The following INTS8 variants were observed in gnomAD, a reference collection of about 807,000 sequenced individuals.
INTS8 encodes the protein protein kaonashi-1.
Under a neutral mutation model 138.9 loss-of-function variants are expected in INTS8, and 47 were observed. That is an observed-to-expected ratio of 0.34 (90% CI 0.27 to 0.43). The LOEUF (loss-of-function observed/expected upper bound fraction) is 0.43, where lower values mean the gene tolerates loss of function less well. Among genes scored for constraint, INTS8 ranks in the 20% least tolerant of loss-of-function variants. The pLI is 1.00. For missense variants in INTS8, 996 were observed against 1,173.0 expected, an observed-to-expected ratio of 0.85 and a Z score of 2.20; for synonymous variants, 392 against 400.9, an observed-to-expected ratio of 0.98 and a Z score of 0.27.
At position 94,867,555 on chromosome 8, in the gene INTS8, A is replaced by T. The variant is rs1398753391; in HGVS notation, c.2414+218A>T. On this transcript the variant is annotated intron_variant, in intron 20 of 26. Coordinates refer to ENST00000523731, the MANE Select transcript of INTS8 (RefSeq NM_017864.4). The stretch of plus-strand genomic sequence containing the variant: ...TTTTTTTTTTTTGAGGCAGAGTCTC[A>T]CTCTGTTGCCCAGGCTGGAATGCAG... 2.7e-5 allele frequency: 11 copies of T among 408,464 alleles called. No individual in the cohort carries two copies. In the East Asian group the frequency reaches 4.6e-4, roughly 17 times the overall value. The allele number at this position is 408,464 out of a possible 1,614,324, so 25.3% of individuals were successfully genotyped here.
Position 94,849,471 on chromosome 8 carries a change from A to G in INTS8, c.1270A>G (p.Arg424Gly), listed in dbSNP as rs1250372680. Residue 424 changes from arginine (R) to glycine (G), a missense_variant, in exon 11 of 27, where the codon AGA becomes GGA. Physicochemically the swap from Arg to Gly is moderately radical, Grantham distance 125. Coordinates refer to ENST00000523731, the MANE Select transcript of INTS8 (RefSeq NM_017864.4). ...KIDFLLEVCS[R>G]SVNLEKASES... is the part of the protein sequence containing the mutation. ...TTACTCAAATTCCTAGGTATGTTCA[A>G]GATCAGTAAATTTAGAAAAAGCTTC... 1 of 1,527,656 alleles carries G rather than the reference A, an allele frequency of 6.5e-7. No individual in the cohort carries two copies. The allele number at this position is 1,527,656 out of a possible 1,614,324, so 94.6% of individuals were successfully genotyped here.
chr8:94,832,603 T>C (rs1335513966), intron 6 of INTS8, among the ~76,000 whole-genome samples: 1 of 152,166 alleles, frequency 6.6e-6, no homozygotes, highest in African/African-American at 2.4e-5. Context: ...CTGGGCCCCT[T>C]GTTCCTTTCA....
At chr8:94,841,837 G>A (rs1815145837) in intron 9 of INTS8, among the ~76,000 whole-genome samples, 2 of 152,230 alleles carry the variant, frequency 1.3e-5, no homozygotes, top group South Asian at 2.1e-4. Context: ...AGAGGCCGAG[G>A]TGGGTGGATC....
At chr8:94,839,253 T>C (rs1033665632) in intron 8 of INTS8, among the ~76,000 whole-genome samples, 2 of 152,180 alleles carry the variant, frequency 1.3e-5, no homozygotes, top group African/African-American at 2.4e-5. Flanking sequence ...CTTGAGACTT[T>C]TATTGTGCGC....
intron 7 of INTS8, among the ~76,000 whole-genome samples, chr8:94,837,508 A>T (rs568281108): frequency 6.6e-6 from 1 of 152,200 alleles, no homozygotes; most frequent in South Asian, 2.1e-4. Flanking sequence ...CTGCTTTCTA[A>T]TTTTATGGTA....
At chr8:94,841,385 G>T in intron 8 of INTS8, 106 bp from the exon 9 acceptor site, 1 of 555,356 alleles carries the variant, frequency 1.8e-6, no homozygotes, top group Non-Finnish European at 3.2e-6. Flanking sequence ...AGATATTTTT[G>T]TGATTGTTTT....
chr8:94,846,955 G>A (rs11777353), intron 10 of INTS8, among the ~76,000 whole-genome samples: 23,917 of 152,130 alleles, frequency 0.16, 2,041 homozygotes, highest in Middle Eastern at 0.26. Context: ...GGTCATGATC[G>A]TTTTTTAATA....
At chr8:94,871,843 C>A (rs1334798956) in intron 20 of INTS8, 41 bp from the exon 21 acceptor site, 4 of 1,105,476 alleles carry the variant, frequency 3.6e-6, no homozygotes, top group African/African-American at 1.6e-5. Context: ...TTAAAGTTGA[C>A]TTTTAAAATA....
intron 5 of INTS8, among the ~76,000 whole-genome samples, chr8:94,831,482 C>CTTTTTTTTT (rs11482467): frequency 8.2e-6 from 1 of 121,584 alleles, no homozygotes; most frequent in Non-Finnish European, 1.7e-5. Flanking sequence ...TTGTCTTTTT[C>CTTTTTTTTT]TTTTTTTTTT....
At chr8:94,835,604 T>G (rs973970194) in intron 6 of INTS8, among the ~76,000 whole-genome samples, 3 of 141,088 alleles carry the variant, frequency 2.1e-5, no homozygotes, top group South Asian at 2.2e-4. Flanking sequence ...AGAGCCTGCT[T>G]CTTTTTTTTT....
chr8:94,862,163 A>G (rs1026074363), intron 16 of INTS8, among the ~76,000 whole-genome samples: 3 of 151,204 alleles, frequency 2.0e-5, no homozygotes, highest in Middle Eastern at 3.4e-3. Flanking sequence ...GCAGGTCTAG[A>G]ACTCCTGACC....
chr8:94,825,937 C>T (rs1814483130), intron 2 of INTS8, among the ~76,000 whole-genome samples: 1 of 152,044 alleles, frequency 6.6e-6, no homozygotes, highest in Non-Finnish European at 1.5e-5. Context: ...TTTCACCTAG[C>T]TGTATCATGA....
In INTS8 at chr8:94,851,185, A is replaced by G. The variant is rs544353746; in HGVS notation, c.1508-368A>G. Among the ~76,000 whole-genome samples, 6 of 152,298 alleles carry G rather than the reference A, an allele frequency of 3.9e-5. No homozygotes were observed. The East Asian group carries it at 9.6e-4, about 24-fold the overall frequency. On this transcript the variant is annotated intron_variant, in intron 12 of 26. Transcript: ENST00000523731. ...TTATTACTCAAAATTAACATTTTAT[A>G]TATGCTTCTGTTAACACATTATATT...
In INTS8 at chr8:94,866,152, T is replaced by C. The variant is rs1322099506; in HGVS notation, c.2262-6T>C. The stretch of plus-strand genomic sequence containing the variant: ...AAATGTGTATTCAAAAATTTTTGTT[T>C]TGTAGGAGTGAACTGCTTTCTTTTA... On this transcript the variant is annotated splice_polypyrimidine_tract_variant and splice_region_variant and intron_variant, in intron 17 of 26. Coordinates refer to ENST00000523731, the MANE Select transcript of INTS8 (RefSeq NM_017864.4). 8.1e-7 allele frequency: 1 copy of C among 1,238,728 alleles called. No individual in the cohort carries two copies. Among genetic ancestry groups the C allele is most frequent in the Non-Finnish European group, 1.2e-6 (1 of 866,936 alleles). The allele number at this position is 1,238,728 out of a possible 1,614,324, so 76.7% of individuals were successfully genotyped here.
At position 94,881,487 on chromosome 8, in the gene INTS8, GTT is replaced by G. The variant is rs1586542498; in HGVS notation, c.*1256_*1257del. On this transcript the variant is annotated 3_prime_UTR_variant, in exon 27 of 27. Coordinates refer to ENST00000523731, the MANE Select transcript of INTS8 (RefSeq NM_017864.4). The stretch of plus-strand genomic sequence containing the variant: ...ATGTATTCTTTAGTGCCAATTGTAA[GTT>G]TTAAAATCAGAATGGCAGTGTAACT... The G allele has an allele frequency of 1.4e-6, 1 of 720,676 alleles. No individual in the cohort carries two copies. Among genetic ancestry groups the G allele is most frequent in the East Asian group, 2.6e-5 (1 of 37,956 alleles). The allele number at this position is 720,676 out of a possible 1,614,324, so 44.6% of individuals were successfully genotyped here. A position where few individuals can be genotyped will look rare whatever the true frequency, so the allele number is the denominator to read the frequency against.
intron 16 of INTS8, chr8:94,860,220 G>A (rs1815902389): frequency 6.6e-6 from 1 of 151,950 alleles, no homozygotes. Context: ...TATCTTTCAT[G>A]TGTTAATATT....
chr8:94,825,992 G>A (rs4345531), intron 2 of INTS8, among the ~76,000 whole-genome samples: 33,986 of 151,906 alleles, frequency 0.22, 3,917 homozygotes, highest in Middle Eastern at 0.28. Flanking sequence ...CGTTGTATGG[G>A]TAATTTATTA....
At chr8:94,869,605 G>A (rs1389917106) in intron 20 of INTS8, among the ~76,000 whole-genome samples, 1 of 152,040 alleles carries the variant, frequency 6.6e-6, no homozygotes, top group Non-Finnish European at 1.5e-5. Flanking sequence ...CAATTCTCCT[G>A]CCTCAGCCTC....
chr8:94,823,303 T>A lies in INTS8; in HGVS notation c.-129T>A. On this transcript the variant is annotated 5_prime_UTR_variant, in exon 1 of 27. Coordinates refer to ENST00000523731, the MANE Select transcript of INTS8 (RefSeq NM_017864.4). Reference sequence around the variant, plus strand: ...GCCCGCGCCGCCATTTTGGATTGTGTGAGTTTCCGGGACGTTCGGAGGGTG... The same window carrying A: ...GCCCGCGCCGCCATTTTGGATTGTGAGAGTTTCCGGGACGTTCGGAGGGTG... 2.6e-6 allele frequency: 4 copies of A among 1,521,696 alleles called. No homozygotes were observed. The highest frequency in any genetic ancestry group is 1.4e-5 in the African/African-American group (1 of 72,698). The allele number at this position is 1,521,696 out of a possible 1,614,324, so 94.3% of individuals were successfully genotyped here. A position where few individuals can be genotyped will look rare whatever the true frequency, so the allele number is the denominator to read the frequency against.
Sources: allele counts gnomAD v4.1 joint callset (sites outside exome capture counted in the v4.1 genomes callset), GRCh38; gene constraint gnomAD v4.1.1; transcripts MANE v1.5; gene names NCBI Gene and HGNC (gene_info 2026-07-23, HGNC 2026-07-21).